MACROH2A2: variants seen among roughly 807,000 people sequenced by gnomAD.
The protein encoded by MACROH2A2 is macroH2A.2 histone.
A neutral mutation model predicts 37.6 loss-of-function variants in MACROH2A2; 6 were observed. The observed-to-expected ratio is 0.16, with a 90% CI of 0.09 to 0.32. MACROH2A2 has a LOEUF of 0.32. MACROH2A2 is among the 10% of genes least tolerant of loss of function. The pLI is 1.00. For synonymous variants in MACROH2A2, 192 were observed against 202.7 expected (o/e 0.95, Z 0.45); for missense variants, 290 against 485.9 (o/e 0.60, Z 3.79).
chr10:70,071,078 A>AGTGT (rs148158268), intron 1 of MACROH2A2, among the ~76,000 whole-genome samples: 6,908 of 146,468 alleles, frequency 0.047, 403 homozygotes, highest in East Asian at 0.23. Flanking sequence ...CATGTGCATG[A>AGTGT]GTGTGTGTGT....
chr10:70,099,922 GTTTT>G (rs2072296845), intron 6 of MACROH2A2, among the ~76,000 whole-genome samples: 1 of 152,118 alleles, frequency 6.6e-6, no homozygotes, highest in South Asian at 2.1e-4. Context: ...GTTTTTTGTT[GTTTT>G]GTTTTTAAAT....
rs376630836 is a variant in MACROH2A2, at chr10:70,077,507, G to A, written c.172+1677G>A. Among the ~76,000 whole-genome samples the A allele has an allele frequency of 2.0e-5, 3 of 152,132 alleles. No individual in the cohort carries two copies. In the East Asian group the frequency reaches 5.8e-4, roughly 30 times the overall value. On this transcript the variant is annotated intron_variant, in intron 2 of 8. Transcript: ENST00000373255. ...GAGGCAGGAGAATCACTTGAACCCAGGAGTTGGAGGTTGCAGTGAGCTGAG... is the reference window on the plus strand; with the variant it reads ...GAGGCAGGAGAATCACTTGAACCCAAGAGTTGGAGGTTGCAGTGAGCTGAG...
At chr10:70,106,936 A>C (rs1589841771) in intron 7 of MACROH2A2, among the ~76,000 whole-genome samples, 1 of 152,318 alleles carries the variant, frequency 6.6e-6, no homozygotes, top group African/African-American at 2.4e-5. Flanking sequence ...ATACAATAGC[A>C]GCCAGGTGCT....
intron 1 of MACROH2A2, among the ~76,000 whole-genome samples, chr10:70,070,485 G>A (rs891810835): frequency 6.6e-6 from 1 of 151,850 alleles, no homozygotes; most frequent in African/African-American, 2.4e-5. Context: ...CATGAGTGTT[G>A]AGTTTTGTTT....
At chr10:70,085,631 G>A (rs1337130280) in intron 2 of MACROH2A2, among the ~76,000 whole-genome samples, 1 of 152,158 alleles carries the variant, frequency 6.6e-6, no homozygotes, top group African/African-American at 2.4e-5. Flanking sequence ...TAATGTGTAT[G>A]AGCTTTACAG....
chr10:70,093,281 G>T (rs2072257085), intron 4 of MACROH2A2, among the ~76,000 whole-genome samples: 1 of 152,232 alleles, frequency 6.6e-6, no homozygotes, highest in South Asian at 2.1e-4. Context: ...GGATCAAGAT[G>T]AATATTTCCA....
At chr10:70,066,127 C>T (rs187728724) in intron 1 of MACROH2A2, among the ~76,000 whole-genome samples, 4 of 151,920 alleles carry the variant, frequency 2.6e-5, no homozygotes, top group Non-Finnish European at 4.4e-5. Context: ...TCACTTGAGG[C>T]CAGGAGTTCA....
intron 5 of MACROH2A2, among the ~76,000 whole-genome samples, chr10:70,095,359 C>T (rs2072269113): frequency 6.8e-6 from 1 of 148,064 alleles, no homozygotes; most frequent in Admixed American, 6.7e-5. Flanking sequence ...CAGAGTGAGA[C>T]TCCGTCTCAA....
At chr10:70,102,039 C>T (rs1404982480) in intron 7 of MACROH2A2, among the ~76,000 whole-genome samples, 1 of 152,190 alleles carries the variant, frequency 6.6e-6, no homozygotes, top group Non-Finnish European at 1.5e-5. Context: ...CCACATGACT[C>T]CCAATCAGTT....
intron 1 of MACROH2A2, among the ~76,000 whole-genome samples, chr10:70,054,876 C>T (rs922268227): frequency 6.6e-6 from 1 of 152,198 alleles, no homozygotes; most frequent in African/African-American, 2.4e-5. Context: ...GCCCAGTTCT[C>T]CTCTTCTCTG....
intron 2 of MACROH2A2, among the ~76,000 whole-genome samples, chr10:70,082,911 G>A (rs2072188805): frequency 6.6e-6 from 1 of 152,044 alleles, no homozygotes; most frequent in Non-Finnish European, 1.5e-5. Flanking sequence ...GCAACATTGT[G>A]AATATACTTA....
intron 5 of MACROH2A2, 123 bp downstream of exon 5, chr10:70,093,968 T>C: frequency 5.1e-6 from 3 of 593,268 alleles, no homozygotes; most frequent in Non-Finnish European, 3.0e-6. Context: ...TCTTGAATTA[T>C]TCATTTTTAA....
Position 70,085,764 on chromosome 10 carries a change from T to G in MACROH2A2, c.173-4296T>G, listed in dbSNP as rs577346065. On this transcript the variant is annotated intron_variant, in intron 2 of 8. Transcript: ENST00000373255. ...GATTTGCCATAGAAGTCCCCACCAC[T>G]TAACAGAATTATGATCTTCCCACAA... Among the ~76,000 whole-genome samples the G allele has an allele frequency of 4.6e-5, 7 of 152,298 alleles. No individual in the cohort carries two copies. In the South Asian group the frequency reaches 1.5e-3, roughly 32 times the overall value.
chr10:70,108,920 C>T, intron 7 of MACROH2A2, 113 bp from the exon 8 acceptor site: 11 of 917,538 alleles, frequency 1.2e-5, no homozygotes, highest in Non-Finnish European at 1.9e-5. Flanking sequence ...GCTGCCCAGC[C>T]AACGTCTCTA....
Position 70,107,739 on chromosome 10 carries a change from A to T in MACROH2A2, c.779-1294A>T, listed in dbSNP as rs1194615520. On this transcript the variant is annotated intron_variant, in intron 7 of 8. Transcript: ENST00000373255. This position sits in a 1 kb window ranked among gnomAD's most constrained non-coding sequence, Gnocchi z 4.4. ...CCGCTTTTGAAACCCCACTCTCTGC[A>T]GGGCATGTGGAGATCATCAAATGGC... Among the ~76,000 whole-genome samples the T allele has an allele frequency of 6.6e-6, 1 of 152,226 alleles. No individual in the cohort carries two copies. Among genetic ancestry groups the T allele is most frequent in the Non-Finnish European group, 1.5e-5 (1 of 68,040 alleles).
chr10:70,075,799 C>A lies in MACROH2A2; in HGVS notation c.141C>A (p.Val47=), dbSNP rs2072136259. The A allele has an allele frequency of 6.2e-7, 1 of 1,613,652 alleles. No homozygotes were observed. The highest frequency in any genetic ancestry group is 1.7e-5 in the Admixed American group (1 of 59,984). ...ACCGGATCAGCGTGGGCGCCCCTGT[C>A]TACATGGCGGCAGTCATTGAGTACC... ...FKYRISVGAP[V]YMAAVIEYLA... Residue 47 remains valine (V), a synonymous_variant, in exon 2 of 9, where the codon GTC becomes GTA. Coordinates refer to ENST00000373255, the MANE Select transcript of MACROH2A2 (RefSeq NM_018649.3). This position sits in a 1 kb window ranked among gnomAD's most constrained non-coding sequence, Gnocchi z 5.0.
In MACROH2A2 at chr10:70,107,479, G is replaced by A. The variant is rs1464536476; in HGVS notation, c.779-1554G>A. 6.6e-6 allele frequency among the ~76,000 whole-genome samples: 1 copy of A among 152,192 alleles called. No homozygotes were observed. The highest frequency in any genetic ancestry group is 1.5e-5 in the Non-Finnish European group (1 of 68,032). On this transcript the variant is annotated intron_variant, in intron 7 of 8. Coordinates refer to ENST00000373255, the MANE Select transcript of MACROH2A2 (RefSeq NM_018649.3). This position sits in a 1 kb window ranked among gnomAD's most constrained non-coding sequence, Gnocchi z 4.4. Reference sequence around the variant, plus strand: ...CTGGGTTCCTGGAGGGGCACAGGGCGCAGACGGGCAGCGTGGGGGCAAGCA... The same window carrying A: ...CTGGGTTCCTGGAGGGGCACAGGGCACAGACGGGCAGCGTGGGGGCAAGCA...
chr10:70,095,526 T>C, intron 5 of MACROH2A2, 128 bp from the exon 6 acceptor site: 1 of 585,020 alleles, frequency 1.7e-6, no homozygotes, highest in Non-Finnish European at 3.0e-6. Context: ...GTTGTCACTC[T>C]CTATGCAGCC....
rs1315889073 is a variant in MACROH2A2 at position 70,107,444 on chromosome 10, A to G, written c.779-1589A>G. 6.6e-6 allele frequency among the ~76,000 whole-genome samples: 1 copy of G among 152,108 alleles called. No homozygotes were observed. Among genetic ancestry groups the G allele is most frequent in the African/African-American group, 2.4e-5 (1 of 41,426 alleles). On this transcript the variant is annotated intron_variant, in intron 7 of 8. Transcript: ENST00000373255. This position sits in a 1 kb window ranked among gnomAD's most constrained non-coding sequence, Gnocchi z 4.4. ...CCCCTAGTGGCCACGGACCCTTGCTACGCCGATTCCTGGGTTCCTGGAGGG... is the reference window on the plus strand; with the variant it reads ...CCCCTAGTGGCCACGGACCCTTGCTGCGCCGATTCCTGGGTTCCTGGAGGG...
Sources: allele counts gnomAD v4.1 joint callset (sites outside exome capture counted in the v4.1 genomes callset), GRCh38; gene constraint gnomAD v4.1.1; non-coding constraint Gnocchi (gnomAD v3.1); transcripts MANE v1.5; gene names NCBI Gene and HGNC (gene_info 2026-07-23, HGNC 2026-07-21).